NOG: variants seen among roughly 807,000 people sequenced by gnomAD.
The protein encoded by NOG is symphalangism 1 (proximal).
NOG carries 2 observed loss-of-function variants against 17.9 expected under a neutral mutation model. The observed-to-expected ratio is 0.11, with a 90% CI of 0.05 to 0.35. The LOEUF (loss-of-function observed/expected upper bound fraction) is 0.35. NOG is among the 10% of genes least tolerant of loss of function. NOG has a pLI of 1.00. For missense variants in NOG, 266 were observed against 318.6 expected (o/e 0.83, Z 1.26); for synonymous variants, 166 against 148.7 (o/e 1.12, Z -0.85).
Position 56,593,991 on chromosome 17 carries a change from C to G in NOG, c.-233C>G, listed in dbSNP as rs1202519802. 4.5e-6 allele frequency: 2 copies of G among 445,506 alleles called. No homozygotes were observed. Among genetic ancestry groups the G allele is most frequent in the East Asian group, 3.8e-5 (1 of 26,476 alleles). The allele number at this position is 445,506 out of a possible 1,614,324, so 27.6% of individuals were successfully genotyped here. A position where few individuals can be genotyped will look rare whatever the true frequency, so the allele number is the denominator to read the frequency against. On this transcript the variant is annotated 5_prime_UTR_variant, in exon 1 of 1. Transcript: ENST00000332822. ...GATGCCCAGCCGCGGCCGCCTTCCC[C>G]AGTAGACCCGGGAGAGGAGTTGCGG...
At position 56,593,829 on chromosome 17, in the gene NOG, A is replaced by C. The variant is rs2052460401; in HGVS notation, c.-395A>C. 4.5e-6 allele frequency: 1 copy of C among 220,352 alleles called. No individual in the cohort carries two copies. The highest frequency in any genetic ancestry group is 8.8e-6 in the Non-Finnish European group (1 of 113,444). The allele number at this position is 220,352 out of a possible 1,614,324, so 13.6% of individuals were successfully genotyped here. A position where few individuals can be genotyped will look rare whatever the true frequency, so the allele number is the denominator to read the frequency against. On this transcript the variant is annotated 5_prime_UTR_variant, in exon 1 of 1. Transcript: ENST00000332822. The stretch of plus-strand genomic sequence containing the variant: ...AACCAGCTCAGCCAGCGGCGCTTGC[A>C]CAGAGCGGCCGGACGAAGAGCAGCG...
Position 56,594,820 on chromosome 17 carries a change from C to G in NOG, c.597C>G (p.His199Gln). 1 of 1,612,242 alleles carries G rather than the reference C, an allele frequency of 6.2e-7. No homozygotes were observed. Among genetic ancestry groups the G allele is most frequent in the South Asian group, 1.1e-5 (1 of 90,808 alleles). ...TGTGCAAGCCGTCCAAGTCCGTGCA[C>G]CTCACGGTGCTGCGGTGGCGCTGTC... ...GMVCKPSKSV[H>Q]LTVLRWRCQR... The change falls in exon 1 of 1, where the codon CAC (histidine) becomes CAG (glutamine). Residue 199 changes from histidine to glutamine, a missense_variant. Physicochemically the swap from His to Gln is conservative, Grantham distance 24 (BLOSUM62 0). This residue lies in a region of NOG where 74 missense variants were observed against 121.0 expected (regional missense o/e 0.61). Coordinates refer to ENST00000332822, the MANE Select transcript of NOG (RefSeq NM_005450.6).
At position 56,594,436 on chromosome 17, in the gene NOG, G is replaced by C. The variant is rs1281704823; in HGVS notation, c.213G>C (p.Gly71=). ...AGACGCTGCTGCGCTCGCTGCTCGG[G>C]GGCCACTACGACCCAGGCTTCATGG... The part of the protein sequence containing the change: ...LNETLLRSLL[G]GHYDPGFMAT... The change falls in exon 1 of 1, where the codon GGG becomes GGC. Residue 71 remains glycine (G), a synonymous_variant. Transcript: ENST00000332822. The C allele has an allele frequency of 3.7e-6, 6 of 1,612,938 alleles. No individual in the cohort carries two copies. Among genetic ancestry groups the C allele is most frequent in the Non-Finnish European group, 4.2e-6 (5 of 1,179,782 alleles).
Position 56,594,803 on chromosome 17 carries a change from C to T in NOG, c.580C>T (p.Pro194Ser). ...CGTGCCCGAGGGCATGGTGTGCAAG[C>T]CGTCCAAGTCCGTGCACCTCACGGT... ...CSVPEGMVCKPSKSVHLTVLR... is the reference protein window; with the variant it reads ...CSVPEGMVCKSSKSVHLTVLR... Residue 194 changes from proline to serine, a missense_variant, in exon 1 of 1, where the codon CCG (proline) becomes TCG (serine). By Grantham distance (74) the Pro-to-Ser change is moderately conservative. This residue lies in a region of NOG where 74 missense variants were observed against 121.0 expected (regional missense o/e 0.61). Transcript: ENST00000332822. 1 of 1,611,414 alleles carries T rather than the reference C, an allele frequency of 6.2e-7. No individual in the cohort carries two copies. The highest frequency in any genetic ancestry group is 8.5e-7 in the Non-Finnish European group (1 of 1,178,194).
chr17:56,594,470 C>G lies in NOG; in HGVS notation c.247C>G (p.Pro83Ala), dbSNP rs772966707. ...HYDPGFMATS[P>A]PEDRPGGGGG... is the part of the protein sequence containing the mutation. ...CGACCCAGGCTTCATGGCCACCTCG[C>G]CCCCCGAGGACCGGCCCGGCGGGGG... Residue 83 changes from proline to alanine, a missense_variant, in exon 1 of 1, where the codon CCC becomes GCC. This residue lies in a region of NOG where 192 missense variants were observed against 197.6 expected (regional missense o/e 0.97). Transcript: ENST00000332822. 3 of 1,612,302 alleles carry G rather than the reference C, an allele frequency of 1.9e-6. No homozygotes were observed. The Admixed American group carries it at 5.0e-5, about 27-fold the overall frequency.
At position 56,594,401 on chromosome 17, in the gene NOG, G is replaced by GA. The variant is rs1357163175; in HGVS notation, c.179dup (p.Asp60GlufsTer122). 6.2e-7 allele frequency: 1 copy of GA among 1,613,190 alleles called. No individual in the cohort carries two copies. ...CCCTATCTTTGACCCCAAGGAAAAG[G>GA]ATCTGAACGAGACGCTGCTGCGCTC... On this transcript the variant is annotated frameshift_variant, in exon 1 of 1. Coordinates refer to ENST00000332822, the MANE Select transcript of NOG (RefSeq NM_005450.6). LOFTEE classifies it high-confidence loss of function.
At position 56,595,062 on chromosome 17, in the gene NOG, G is replaced by A. The variant is rs2052475005; in HGVS notation, c.*140G>A. 4 of 599,890 alleles carry A rather than the reference G, an allele frequency of 6.7e-6. No homozygotes were observed. Among genetic ancestry groups the A allele is most frequent in the Non-Finnish European group, 1.1e-5 (4 of 355,722 alleles). The allele number at this position is 599,890 out of a possible 1,614,324, so 37.2% of individuals were successfully genotyped here. A position where few individuals can be genotyped will look rare whatever the true frequency, so the allele number is the denominator to read the frequency against. On this transcript the variant is annotated 3_prime_UTR_variant, in exon 1 of 1. Coordinates refer to ENST00000332822, the MANE Select transcript of NOG (RefSeq NM_005450.6). Reference sequence around the variant, plus strand: ...TTTTTTTTTTTTTTTTTTTTTCTGGGCTACAGAGACCTAGCTTTCTGGTTC... The same window carrying A: ...TTTTTTTTTTTTTTTTTTTTTCTGGACTACAGAGACCTAGCTTTCTGGTTC...
rs1032220685 is a variant in NOG, at chr17:56,594,021, C to T, written c.-203C>T. 2 of 472,344 alleles carry T rather than the reference C, an allele frequency of 4.2e-6. No homozygotes were observed. The highest frequency in any genetic ancestry group is 4.4e-5 in the Admixed American group (1 of 22,650). 29.3% of individuals were successfully genotyped at this position (472,344 alleles called of 1,614,324 possible). On this transcript the variant is annotated 5_prime_UTR_variant, in exon 1 of 1. Coordinates refer to ENST00000332822, the MANE Select transcript of NOG (RefSeq NM_005450.6). ...GACCCGGGAGAGGAGTTGCGGCCAA[C>T]TTGTGTGCCTTTCTTCCGCCCCGGT...
Position 56,594,606 on chromosome 17 carries a change from G to A in NOG, c.383G>A (p.Gly128Asp), listed in dbSNP as rs1039686376. Residue 128 changes from glycine (G) to aspartate (D), a missense_variant, in exon 1 of 1, where the codon GGC becomes GAC. By Grantham distance (94) the Gly-to-Asp change is moderately conservative. Around this residue, in one of 2 missense-constraint regions of NOG, gnomAD observed 192 missense variants for 197.6 expected, o/e 0.97. Coordinates refer to ENST00000332822, the MANE Select transcript of NOG (RefSeq NM_005450.6). ...ATCAAAGGGCTAGAGTTCTCCGAGG[G>A]CTTGGCCCAGGGCAAGAAGCAGCGC... ...SEIKGLEFSE[G>D]LAQGKKQRLS... 1 of 1,612,530 alleles carries A rather than the reference G, an allele frequency of 6.2e-7. No homozygotes were observed. Among genetic ancestry groups the A allele is most frequent in the Non-Finnish European group, 8.5e-7 (1 of 1,179,322 alleles).
In NOG at chr17:56,595,057, T is replaced by TTTTC. The variant is rs2052474857; in HGVS notation, c.*135_*136insTTTC. On this transcript the variant is annotated 3_prime_UTR_variant, in exon 1 of 1. Transcript: ENST00000332822. ...TTTTTTTTTTTTTTTTTTTTTTTTT[T>TTTTC]CTGGGCTACAGAGACCTAGCTTTCT... The TTTTC allele has an allele frequency of 1.7e-6, 1 of 583,480 alleles. No individual in the cohort carries two copies. Among genetic ancestry groups the TTTTC allele is most frequent in the African/African-American group, 2.4e-5 (1 of 41,528 alleles). The allele number at this position is 583,480 out of a possible 1,614,324, so 36.1% of individuals were successfully genotyped here.
Position 56,594,762 on chromosome 17 carries a change from G to A in NOG, c.539G>A (p.Ser180Asn), listed in dbSNP as rs574424465. ...PRYVKVGSCF[S>N]KRSCSVPEGM... ...TACGTGAAGGTGGGCAGCTGCTTCA[G>A]TAAGCGCTCGTGCTCCGTGCCCGAG... The change falls in exon 1 of 1, where the codon AGT (serine) becomes AAT (asparagine). Residue 180 changes from serine to asparagine, a missense_variant. Transcript: ENST00000332822. The A allele has an allele frequency of 1.5e-5, 25 of 1,613,768 alleles. No individual in the cohort carries two copies. The South Asian group carries it at 2.6e-4, about 17-fold the overall frequency.
chr17:56,595,326 AG>A lies in NOG; in HGVS notation c.*410del, dbSNP rs2052478097. On this transcript the variant is annotated 3_prime_UTR_variant, in exon 1 of 1. Coordinates refer to ENST00000332822, the MANE Select transcript of NOG (RefSeq NM_005450.6). ...TCCAGTGCCCTTCGCATGGCGAAGC[AG>A]GGGGGAAAAGTTATTTTTTTCTTGA... 5.8e-6 allele frequency: 1 copy of A among 171,306 alleles called. No individual in the cohort carries two copies. Among genetic ancestry groups the A allele is most frequent in the South Asian group, 2.0e-4 (1 of 4,886 alleles). The allele number at this position is 171,306 out of a possible 1,614,324, so 10.6% of individuals were successfully genotyped here.
Position 56,594,889 on chromosome 17 carries a change from C to T in NOG, c.666C>T (p.Tyr222=), listed in dbSNP as rs745356934. ...GCTGCGGCTGGATTCCCATCCAGTA[C>T]CCCATCATTTCCGAGTGCAAGTGCT... The part of the protein sequence containing the change: ...GQRCGWIPIQ[Y]PIISECKCSC Residue 222 remains tyrosine (Y), a synonymous_variant, in exon 1 of 1, where the codon TAC becomes TAT. Transcript: ENST00000332822. 2 of 1,597,660 alleles carry T rather than the reference C, an allele frequency of 1.3e-6. No individual in the cohort carries two copies. Among genetic ancestry groups the T allele is most frequent in the Middle Eastern group, 1.7e-4 (1 of 6,034 alleles).
chr17:56,593,716 C>G lies in NOG; in HGVS notation c.-508C>G, dbSNP rs2052458170. ...AGACAGACAAACCGGTGCCAACGTGCGCGGACGCCGCCGCCGCCGCCGCCG... is the reference window on the plus strand; with the variant it reads ...AGACAGACAAACCGGTGCCAACGTGGGCGGACGCCGCCGCCGCCGCCGCCG... On this transcript the variant is annotated 5_prime_UTR_variant, in exon 1 of 1. Transcript: ENST00000332822. 5.7e-6 allele frequency: 1 copy of G among 176,738 alleles called. No homozygotes were observed. The highest frequency in any genetic ancestry group is 6.5e-5 in the Admixed American group (1 of 15,406). 10.9% of individuals were successfully genotyped at this position (176,738 alleles called of 1,614,324 possible).
At position 56,594,403 on chromosome 17, in the gene NOG, T is replaced by C. The variant is rs879793137; in HGVS notation, c.180T>C (p.Asp60=). Residue 60 remains aspartate, a synonymous_variant, in exon 1 of 1, where the codon GAT becomes GAC. Transcript: ENST00000332822. ...CTATCTTTGACCCCAAGGAAAAGGA[T>C]CTGAACGAGACGCTGCTGCGCTCGC... ...PDPIFDPKEK[D]LNETLLRSLL... 3 of 1,613,098 alleles carry C rather than the reference T, an allele frequency of 1.9e-6. No homozygotes were observed. The highest frequency in any genetic ancestry group is 2.7e-5 in the African/African-American group (2 of 74,874).
Position 56,593,976 on chromosome 17 carries a change from C to T in NOG, c.-248C>T, listed in dbSNP as rs968240770. ...CCTGGAGTAATTTCGGATGCCCAGC[C>T]GCGGCCGCCTTCCCCAGTAGACCCG... is the stretch of plus-strand genomic sequence containing the variant. On this transcript the variant is annotated 5_prime_UTR_variant, in exon 1 of 1. Coordinates refer to ENST00000332822, the MANE Select transcript of NOG (RefSeq NM_005450.6). The T allele has an allele frequency of 7.0e-6, 3 of 426,914 alleles. No individual in the cohort carries two copies. The highest frequency in any genetic ancestry group is 5.7e-5 in the South Asian group (1 of 17,412). The allele number at this position is 426,914 out of a possible 1,614,324, so 26.4% of individuals were successfully genotyped here.
Position 56,595,610 on chromosome 17 carries a change from G to A in NOG, c.*688G>A, listed in dbSNP as rs2052480011. The A allele has an allele frequency of 6.3e-6, 1 of 158,256 alleles. No homozygotes were observed. The highest frequency in any genetic ancestry group is 2.5e-5 in the African/African-American group (1 of 39,560). 9.8% of individuals were successfully genotyped at this position (158,256 alleles called of 1,614,324 possible). ...AGGATTAAAGAAAACCACTAAAACC[G>A]ACTGCGCTCCACACTGATTTTCTGT... On this transcript the variant is annotated 3_prime_UTR_variant, in exon 1 of 1. Coordinates refer to ENST00000332822, the MANE Select transcript of NOG (RefSeq NM_005450.6).
chr17:56,594,826 G>A lies in NOG; in HGVS notation c.603G>A (p.Thr201=), dbSNP rs752039942. ...AGCCGTCCAAGTCCGTGCACCTCAC[G>A]GTGCTGCGGTGGCGCTGTCAGCGGC... ...VCKPSKSVHL[T]VLRWRCQRRG... is the part of the protein sequence containing the mutation. Residue 201 remains threonine (T), a synonymous_variant, in exon 1 of 1, where the codon ACG becomes ACA. Transcript: ENST00000332822. 2 of 1,611,866 alleles carry A rather than the reference G, an allele frequency of 1.2e-6. No homozygotes were observed. Among genetic ancestry groups the A allele is most frequent in the Admixed American group, 1.7e-5 (1 of 59,822 alleles).
chr17:56,594,729 G>A lies in NOG; in HGVS notation c.506G>A (p.Trp169Ter). Residue 169 changes from tryptophan to a stop codon, truncating the protein, a stop_gained, in exon 1 of 1, where the codon TGG becomes TAG. Transcript: ENST00000332822. LOFTEE classifies it high-confidence loss of function. ...TGGAACGACCTGGGCAGCCGCTTTT[G>A]GCCGCGCTACGTGAAGGTGGGCAGC... ...YAWNDLGSRF[W>*]PRYVKVGSCF... is the part of the protein sequence containing the mutation. 1 of 1,613,930 alleles carries A rather than the reference G, an allele frequency of 6.2e-7. No homozygotes were observed. Among genetic ancestry groups the A allele is most frequent in the Non-Finnish European group, 8.5e-7 (1 of 1,179,904 alleles).
Sources: allele counts gnomAD v4.1 joint callset, GRCh38; gene constraint gnomAD v4.1.1; regional missense constraint gnomAD v4.1.1; transcripts MANE v1.5; gene names NCBI Gene and HGNC (gene_info 2026-07-23, HGNC 2026-07-21).